MRPS9: variants seen among roughly 807,000 people sequenced by gnomAD.
MRPS9 encodes mitochondrial ribosomal protein S9, also known as small ribosomal subunit protein uS9m.
MRPS9 carries 45 observed loss-of-function variants against 59.9 expected under a neutral mutation model. The ratio of observed to expected loss-of-function variants is 0.75; its 90% confidence interval spans 0.59 to 0.96. The LOEUF (loss-of-function observed/expected upper bound fraction) is 0.96. Ranked by LOEUF, MRPS9 falls within the 40% of genes least tolerant of loss-of-function variation. The pLI is 0.00. For missense variants in MRPS9, 473 were observed against 481.1 expected (o/e 0.98, Z 0.16); for synonymous variants, 171 against 166.8 (o/e 1.03, Z -0.19).
intron 2 of MRPS9, among the ~76,000 whole-genome samples, chr2:105,060,359 G>A (rs754787435): frequency 2.6e-5 from 4 of 152,164 alleles, no homozygotes; most frequent in Non-Finnish European, 4.4e-5. Context: ...TCAGCTCACT[G>A]CAGCCTCCGC....
intron 5 of MRPS9, among the ~76,000 whole-genome samples, chr2:105,088,598 CTAAGTT>C (rs1467931516): frequency 1.3e-5 from 2 of 151,984 alleles, no homozygotes; most frequent in African/African-American, 4.8e-5. Context: ...GGATAATTCT[CTAAGTT>C]TAAAGTGCAC....
At chr2:105,048,621 A>C (rs940237765) in intron 1 of MRPS9, among the ~76,000 whole-genome samples, 2 of 152,036 alleles carry the variant, frequency 1.3e-5, no homozygotes, top group African/African-American at 4.8e-5. Flanking sequence ...TCTTTTTATC[A>C]CTTTAATATA....
chr2:105,095,487 A>ATTTTTTTTTTTTTTTTTTTTTTTTT (rs138410859), intron 9 of MRPS9, among the ~76,000 whole-genome samples: 1 of 140,114 alleles, frequency 7.1e-6, no homozygotes, highest in Non-Finnish European at 1.5e-5. Flanking sequence ...CAGTCTGTAC[A>ATTTTTTTTTTTTTTTTTTTTTTTTT]TTTTTTTTTT....
At position 105,089,915 on chromosome 2, in the gene MRPS9, A is replaced by C; in HGVS notation, c.576-5A>C. 6.3e-7 allele frequency: 1 copy of C among 1,598,672 alleles called. No individual in the cohort carries two copies. The highest frequency in any genetic ancestry group is 8.6e-7 in the Non-Finnish European group (1 of 1,168,980). On this transcript the variant is annotated splice_polypyrimidine_tract_variant and splice_region_variant and intron_variant, in intron 6 of 10. Coordinates refer to ENST00000258455, the MANE Select transcript of MRPS9 (RefSeq NM_182640.3). Reference sequence around the variant, plus strand: ...AAAAAGAGAATATATGTGATATTTTAACAGAGACGTGATTGGCAGCAGATG... The same window carrying C: ...AAAAAGAGAATATATGTGATATTTTCACAGAGACGTGATTGGCAGCAGATG...
intron 2 of MRPS9, among the ~76,000 whole-genome samples, chr2:105,064,971 T>G (rs895035473): frequency 1.3e-5 from 2 of 152,190 alleles, no homozygotes; most frequent in Non-Finnish European, 2.9e-5. Context: ...ATAGGTCCTG[T>G]GTATATTATT....
Position 105,089,039 on chromosome 2 carries a change from A to G in MRPS9, c.545A>G (p.Lys182Arg). ...AAACATCAAAGTCACTTGCAAGCCAAAAGTCTGCTCCCAGAAAAAACTGTA... is the reference window on the plus strand; with the variant it reads ...AAACATCAAAGTCACTTGCAAGCCAGAAGTCTGCTCCCAGAAAAAACTGTA... ...LEKHQSHLQA[K>R]SLLPEKTVTR... The change falls in exon 6 of 11, where the codon AAA (lysine) becomes AGA (arginine). Residue 182 changes from lysine to arginine, a missense_variant. Transcript: ENST00000258455. 6.2e-7 allele frequency: 1 copy of G among 1,611,808 alleles called. No homozygotes were observed. Among genetic ancestry groups the G allele is most frequent in the Non-Finnish European group, 8.5e-7 (1 of 1,178,598 alleles).
At chr2:105,094,428 G>A (rs1282607524) in intron 9 of MRPS9, among the ~76,000 whole-genome samples, 1 of 151,994 alleles carries the variant, frequency 6.6e-6, no homozygotes, top group East Asian at 1.9e-4. Flanking sequence ...CATTATCCAC[G>A]AGTAACAGAA....
intron 7 of MRPS9, among the ~76,000 whole-genome samples, chr2:105,090,975 C>T (rs1680546106): frequency 6.6e-6 from 1 of 152,134 alleles, no homozygotes; most frequent in African/African-American, 2.4e-5. Context: ...TTCTAATATC[C>T]TAACTGCCAA....
chr2:105,078,818 A>G (rs1225361396), intron 4 of MRPS9, among the ~76,000 whole-genome samples: 1 of 152,208 alleles, frequency 6.6e-6, no homozygotes, highest in Non-Finnish European at 1.5e-5. Context: ...AATTCCAGAT[A>G]GATTAAATAT....
intron 7 of MRPS9, chr2:105,091,430 C>CTAGG (rs1445812736): frequency 2.1e-5 from 10 of 470,552 alleles, no homozygotes; most frequent in Non-Finnish European, 3.5e-5. Flanking sequence ...ACCCAATATC[C>CTAGG]TAGGTAGCTG....
At chr2:105,079,910 G>A in intron 4 of MRPS9, 73 bp from the exon 5 acceptor site, 4 of 945,898 alleles carry the variant, frequency 4.2e-6, no homozygotes, top group South Asian at 3.2e-5. Context: ...TCTCATAACT[G>A]TGGTTAAATG....
At chr2:105,079,340 CAG>C (rs1408664907) in intron 4 of MRPS9, among the ~76,000 whole-genome samples, 3 of 143,576 alleles carry the variant, frequency 2.1e-5, no homozygotes, top group Non-Finnish European at 4.5e-5. Context: ...GCAAAGGACA[CAG>C]AGTTAGCATT....
chr2:105,052,406 T>G (rs1232518587), intron 2 of MRPS9, among the ~76,000 whole-genome samples: 1 of 152,214 alleles, frequency 6.6e-6, no homozygotes. Context: ...TTTTTGTCTT[T>G]TGTTCTGTTG....
chr2:105,039,624 C>T (rs1025598530), intron 1 of MRPS9, among the ~76,000 whole-genome samples: 1 of 152,124 alleles, frequency 6.6e-6, no homozygotes, highest in Admixed American at 6.5e-5. Context: ...TGTACATATG[C>T]AGTATATTGT....
At chr2:105,064,280 A>G (rs576444307) in intron 2 of MRPS9, among the ~76,000 whole-genome samples, 7 of 152,294 alleles carry the variant, frequency 4.6e-5, no homozygotes, top group African/African-American at 1.7e-4. Context: ...GAGACCCGAA[A>G]GTAGGTCACA....
chr2:105,076,762 G>C (rs1293971859), intron 4 of MRPS9, among the ~76,000 whole-genome samples: 1 of 152,186 alleles, frequency 6.6e-6, no homozygotes, highest in Non-Finnish European at 1.5e-5. Context: ...AATTACTTAT[G>C]TTGAAGTTAA....
rs572966849 is a variant in MRPS9, at chr2:105,048,112, C to A, written c.136-1059C>A. Among the ~76,000 whole-genome samples the A allele has an allele frequency of 2.0e-3, 299 of 152,028 alleles. 1 individual carries two copies. Among genetic ancestry groups the A allele is most frequent in the African/African-American group, 6.8e-3 (284 of 41,506 alleles). ...ACTTGGAACCAACCCAAATGTCCAA[C>A]AATGATAGACTGGATTAAGAAAATG... On this transcript the variant is annotated intron_variant, in intron 1 of 10. Coordinates refer to ENST00000258455, the MANE Select transcript of MRPS9 (RefSeq NM_182640.3).
In MRPS9 at chr2:105,099,701, G is replaced by A. The variant is rs1680748661; in HGVS notation, c.1131G>A (p.Arg377=). ...TACTTACTACTGATCCACGTGTGAGGGAACGGAAGAAGCCAGGCCAAGAGG... is the reference window on the plus strand; with the variant it reads ...TACTTACTACTGATCCACGTGTGAGAGAACGGAAGAAGCCAGGCCAAGAGG... ...AGLLTTDPRV[R]ERKKPGQEGA... The change falls in exon 11 of 11, where the codon AGG becomes AGA. Residue 377 remains arginine, a synonymous_variant. Transcript: ENST00000258455. The A allele has an allele frequency of 1.9e-6, 3 of 1,614,094 alleles. No homozygotes were observed. The highest frequency in any genetic ancestry group is 2.5e-6 in the Non-Finnish European group (3 of 1,180,032).
In MRPS9 at chr2:105,071,327, C is replaced by A; in HGVS notation, c.330C>A (p.Tyr110Ter). The A allele has an allele frequency of 6.2e-7, 1 of 1,610,044 alleles. No homozygotes were observed. Among genetic ancestry groups the A allele is most frequent in the Non-Finnish European group, 8.5e-7 (1 of 1,178,820 alleles). The part of the protein sequence containing the change: ...TQEDIDRAIA[Y>*]LFPSGLFEKR... ...TATATTTTCAGAGAGCTATTGCTTA[C>A]CTTTTCCCAAGTGGTTTGTTTGAGA... The change falls in exon 3 of 11, where the codon TAC (tyrosine) becomes TAA (stop). Residue 110 changes from tyrosine (Y) to a stop codon, truncating the protein, a stop_gained. Transcript: ENST00000258455. LOFTEE classifies it high-confidence loss of function.
Sources: gnomAD v4.1 joint callset for allele counts (sites outside exome capture counted in the v4.1 genomes callset) on GRCh38, gnomAD v4.1.1 for gene constraint, MANE v1.5 for transcripts, NCBI Gene and HGNC (gene_info 2026-07-23, HGNC 2026-07-21) for gene names.